The following ADGRB3 variants were observed in gnomAD, a reference collection of about 807,000 sequenced individuals.
ADGRB3 encodes brain-specific angiogenesis inhibitor 3.
Under a neutral mutation model 193.4 loss-of-function variants are expected in ADGRB3, and 37 were observed. The ratio of observed to expected loss-of-function variants is 0.19; its 90% CI spans 0.15 to 0.25. The LOEUF (loss-of-function observed/expected upper bound fraction) is 0.25, where lower values mean the gene tolerates loss of function less well. Ranked by LOEUF, ADGRB3 falls within the 10% of genes least tolerant of loss-of-function variation. The pLI, the probability that ADGRB3 is intolerant of heterozygous loss-of-function variation, is 1.00. For missense variants in ADGRB3, 1,637 were observed against 1,852.9 expected (o/e 0.88, Z 2.14); for synonymous variants, 690 against 644.2 (o/e 1.07, Z -1.08).
chr6:69,049,161 A>G, intron 14 of ADGRB3, 110 bp from the exon 15 acceptor site: 1 of 757,878 alleles, frequency 1.3e-6, no homozygotes, highest in South Asian at 1.7e-5. Context: ...ACCAGGCTTT[A>G]TCTTTGCCTA....
intron 3 of ADGRB3, among the ~76,000 whole-genome samples, chr6:68,809,484 T>A (rs1476983210): frequency 6.6e-6 from 1 of 152,212 alleles, no homozygotes; most frequent in Non-Finnish European, 1.5e-5. Context: ...GCTGATTTGA[T>A]TATTGTTAAT....
chr6:68,941,632 T>A (rs1395776368), intron 5 of ADGRB3, among the ~76,000 whole-genome samples: 1 of 151,990 alleles, frequency 6.6e-6, no homozygotes, highest in Non-Finnish European at 1.5e-5. Flanking sequence ...CATTAACTTT[T>A]TATATAGGAG....
At chr6:69,288,355 T>C (rs1478222359) in intron 20 of ADGRB3, among the ~76,000 whole-genome samples, 2 of 152,226 alleles carry the variant, frequency 1.3e-5, no homozygotes, top group East Asian at 3.8e-4. Context: ...GCTTTATCCA[T>C]GTCCCTGCAA....
intron 17 of ADGRB3, among the ~76,000 whole-genome samples, chr6:69,132,029 A>G (rs1349497223): frequency 1.3e-5 from 2 of 152,116 alleles, no homozygotes; most frequent in African/African-American, 4.8e-5. Context: ...TCTATCATTG[A>G]TGAGCATTTG....
At chr6:69,178,972 C>T (rs139608720) in intron 17 of ADGRB3, among the ~76,000 whole-genome samples, 69 of 152,180 alleles carry the variant, frequency 4.5e-4, no homozygotes, top group African/African-American at 1.6e-3. Flanking sequence ...CTGGATTTGT[C>T]GTAACTGGAT....
intron 3 of ADGRB3, among the ~76,000 whole-genome samples, chr6:68,681,932 C>A (rs1048322575): frequency 6.6e-5 from 10 of 152,038 alleles, no homozygotes; most frequent in African/African-American, 9.7e-5. Flanking sequence ...AGGGAATGGG[C>A]AACAATACTA....
At chr6:69,347,213 G>A (rs1249083515) in intron 26 of ADGRB3, among the ~76,000 whole-genome samples, 1 of 152,080 alleles carries the variant, frequency 6.6e-6, no homozygotes, top group Non-Finnish European at 1.5e-5. Context: ...GTCGGGAGGT[G>A]GGGGCCTAGG....
intron 20 of ADGRB3, among the ~76,000 whole-genome samples, chr6:69,254,453 T>C (rs1582581032): frequency 6.6e-6 from 1 of 152,304 alleles, no homozygotes; most frequent in South Asian, 2.1e-4. Context: ...ATTTGTGTTT[T>C]ACTCTTAGAG....
intron 3 of ADGRB3, among the ~76,000 whole-genome samples, chr6:68,820,405 G>A (rs886820650): frequency 2.0e-5 from 3 of 151,866 alleles, no homozygotes; most frequent in African/African-American, 7.2e-5. Context: ...AATATGCAAT[G>A]TTTTGATACA....
chr6:68,956,221 C>G, intron 7 of ADGRB3, 33 bp downstream of exon 7: 1 of 1,569,424 alleles, frequency 6.4e-7, no homozygotes, highest in Non-Finnish European at 8.6e-7. Context: ...CATGGGCACT[C>G]GTACCATGTA....
chr6:69,064,268 A>T (rs1771833644), intron 16 of ADGRB3, among the ~76,000 whole-genome samples: 1 of 151,766 alleles, frequency 6.6e-6, no homozygotes, highest in Non-Finnish European at 1.5e-5. Flanking sequence ...TTTGATATTT[A>T]AACTATTTAA....
chr6:69,136,972 T>C (rs566568882), intron 17 of ADGRB3, among the ~76,000 whole-genome samples: 2 of 152,170 alleles, frequency 1.3e-5, no homozygotes, highest in East Asian at 3.9e-4. Flanking sequence ...TTTCCTCCTT[T>C]TTAAAAATCG....
chr6:69,310,098 T>A (rs1768153682), intron 20 of ADGRB3, among the ~76,000 whole-genome samples: 1 of 151,768 alleles, frequency 6.6e-6, no homozygotes, highest in Non-Finnish European at 1.5e-5. Context: ...TAATTTAAAC[T>A]CACGACATAA....
intron 13 of ADGRB3, among the ~76,000 whole-genome samples, chr6:69,024,544 A>T (rs929233447): frequency 5.9e-5 from 9 of 152,192 alleles, no homozygotes; most frequent in African/African-American, 2.2e-4. Flanking sequence ...GAATTATTTG[A>T]TGCTGAAAAT....
At chr6:68,778,993 C>T (rs895017203) in intron 3 of ADGRB3, among the ~76,000 whole-genome samples, 1 of 151,904 alleles carries the variant, frequency 6.6e-6, no homozygotes, top group Non-Finnish European at 1.5e-5. Context: ...GGAGCTGCAG[C>T]GATTTTAGTG....
chr6:69,288,816 A>G (rs1232557094), intron 20 of ADGRB3, among the ~76,000 whole-genome samples: 2 of 152,132 alleles, frequency 1.3e-5, no homozygotes, highest in African/African-American at 4.8e-5. Context: ...TCTGTGTGGA[A>G]TGGTTGAAAA....
intron 17 of ADGRB3, among the ~76,000 whole-genome samples, chr6:69,128,162 C>T (rs1314483726): frequency 3.3e-5 from 5 of 152,076 alleles, no homozygotes. Flanking sequence ...ACTGTCTATA[C>T]CTATTATCAG....
At chr6:68,722,906 C>CA (rs1018507517) in intron 3 of ADGRB3, among the ~76,000 whole-genome samples, 8 of 151,114 alleles carry the variant, frequency 5.3e-5, no homozygotes, top group Admixed American at 1.3e-4. Flanking sequence ...ACAAAAAAGG[C>CA]AAAAAAATGA....
chr6:69,191,023 A>G (rs1356455030), intron 17 of ADGRB3, among the ~76,000 whole-genome samples: 2 of 152,182 alleles, frequency 1.3e-5, no homozygotes, highest in East Asian at 3.8e-4. Flanking sequence ...ACATATCTTT[A>G]TCATTACATT....
Sources: gnomAD v4.1 joint callset for allele counts (sites outside exome capture counted in the v4.1 genomes callset) on GRCh38, gnomAD v4.1.1 for gene constraint, MANE v1.5 for transcripts, NCBI Gene and HGNC (gene_info 2026-07-23, HGNC 2026-07-21) for gene names.